Variants in MARK4 observed in about 807,000 individuals in gnomAD.
The protein encoded by MARK4 is microtubule affinity regulating kinase 4.
In MARK4, 19 loss-of-function variants were observed where a neutral mutation model predicts 81.5. The ratio of observed to expected loss-of-function variants is 0.23; its 90% CI spans 0.16 to 0.34. The LOEUF is 0.34. MARK4 is among the 10% of genes least tolerant of loss of function. The pLI is 1.00. For missense variants in MARK4, 772 were observed against 1,058.8 expected, an observed-to-expected ratio of 0.73 and a Z score of 3.76; for synonymous variants, 436 against 439.0, an observed-to-expected ratio of 0.99 and a Z score of 0.08.
chr19:45,279,832 C>T (rs535351922), intron 10 of MARK4, among the ~76,000 whole-genome samples: 1 of 152,202 alleles, frequency 6.6e-6, no homozygotes, highest in African/African-American at 2.4e-5. Context: ...GCAAGCAGAT[C>T]TGGGTCACAT....
At chr19:45,294,206 C>G (rs1405396995) in intron 13 of MARK4, 143 bp from the exon 14 acceptor site, 1 of 714,610 alleles carries the variant, frequency 1.4e-6, no homozygotes, top group Admixed American at 2.3e-5. Context: ...ATCTTTGGGA[C>G]CTTTCACCAT....
chr19:45,263,492 A>G (rs1402834909), intron 4 of MARK4, 125 bp downstream of exon 4: 4 of 1,225,516 alleles, frequency 3.3e-6, no homozygotes, highest in Admixed American at 3.8e-5. Context: ...CTGTAATCCC[A>G]GCACTTAGGG....
At chr19:45,296,629 C>G (rs1044347794) in intron 14 of MARK4, among the ~76,000 whole-genome samples, 1 of 152,224 alleles carries the variant, frequency 6.6e-6, no homozygotes, top group Non-Finnish European at 1.5e-5. Flanking sequence ...TGCTCATACT[C>G]TTAGGGGTTT....
intron 7 of MARK4, among the ~76,000 whole-genome samples, chr19:45,268,125 A>G (rs1970479401): frequency 1.3e-5 from 2 of 152,092 alleles, no homozygotes; most frequent in African/African-American, 2.4e-5. Context: ...CTATTATTAG[A>G]TTCTAAAGAA....
At chr19:45,262,587 C>T (rs983649144) in intron 2 of MARK4, among the ~76,000 whole-genome samples, 1 of 152,216 alleles carries the variant, frequency 6.6e-6, no homozygotes, top group Admixed American at 6.5e-5. Context: ...CTCGTCCATG[C>T]CCACATCCAC....
At chr19:45,299,934 A>G in intron 16 of MARK4, 79 bp downstream of exon 16, 3 of 1,420,396 alleles carry the variant, frequency 2.1e-6, no homozygotes, top group Non-Finnish European at 2.9e-6. Context: ...CCAGGGCATT[A>G]GATGGGGCCC....
intron 10 of MARK4, 64 bp downstream of exon 10, chr19:45,278,679 C>A: frequency 8.3e-7 from 1 of 1,211,410 alleles, no homozygotes; most frequent in Non-Finnish European, 1.2e-6. Flanking sequence ...TCTCGGCTCA[C>A]TGCAACCTCC....
intron 1 of MARK4, among the ~76,000 whole-genome samples, chr19:45,253,365 G>T (rs1002812482): frequency 6.6e-6 from 1 of 152,142 alleles, no homozygotes; most frequent in African/African-American, 2.4e-5. Context: ...GGTGCCAGGG[G>T]CTCCACAGTC....
At chr19:45,300,169 A>C (rs1180840728) in intron 16 of MARK4, among the ~76,000 whole-genome samples, 2 of 152,014 alleles carry the variant, frequency 1.3e-5, no homozygotes, top group African/African-American at 4.8e-5. Flanking sequence ...AGATGGAGAA[A>C]CCCCGTCGTT....
At chr19:45,263,079 C>G (rs1425532738) in intron 2 of MARK4, 34 bp from the exon 3 acceptor site, 1 of 1,586,122 alleles carries the variant, frequency 6.3e-7, no homozygotes, top group Non-Finnish European at 8.6e-7. Flanking sequence ...CTTGTGGCAC[C>G]TTGACCGTCC....
chr19:45,275,709 T>C (rs1420902155), intron 8 of MARK4, among the ~76,000 whole-genome samples: 1 of 152,210 alleles, frequency 6.6e-6, no homozygotes, highest in Non-Finnish European at 1.5e-5. Flanking sequence ...TGTGCAATCC[T>C]GGGGCAAGTG....
In MARK4 at chr19:45,259,043, C is replaced by G; in HGVS notation, c.106C>G (p.Arg36Gly). ...SSDKGPSWSS[R>G]SLGARCRNSI... The stretch of plus-strand genomic sequence containing the variant: ...GGACAAAGGCCCGTCCTGGTCCAGC[C>G]GCTCACTGGGTGCCCGTTGCCGGAA... The change falls in exon 2 of 17, where the codon CGC (arginine) becomes GGC (glycine). Residue 36 changes from arginine to glycine, a missense_variant. Physicochemically the swap from Arg to Gly is moderately radical, Grantham distance 125 (BLOSUM62 -2). Around this residue, in one of 3 missense-constraint regions of MARK4, gnomAD observed 115 missense variants for 139.8 expected, o/e 0.82. Coordinates refer to ENST00000262891, the MANE Select transcript of MARK4 (RefSeq NM_001199867.2). 1 of 1,613,930 alleles carries G rather than the reference C, an allele frequency of 6.2e-7. No individual in the cohort carries two copies. The highest frequency in any genetic ancestry group is 1.1e-5 in the South Asian group (1 of 91,070).
At chr19:45,256,229 G>T (rs2123023090) in intron 1 of MARK4, among the ~76,000 whole-genome samples, 1 of 152,282 alleles carries the variant, frequency 6.6e-6, no homozygotes, top group Middle Eastern at 3.4e-3. Context: ...CCTGAGGTCA[G>T]GAGTTCAAGA....
At chr19:45,292,363 A>G (rs1365086654) in intron 13 of MARK4, among the ~76,000 whole-genome samples, 2 of 152,168 alleles carry the variant, frequency 1.3e-5, no homozygotes, top group Non-Finnish European at 2.9e-5. Context: ...GAGCCGTGTG[A>G]CCTTGGGCAA....
chr19:45,302,721 T>C lies in MARK4; in HGVS notation c.*11T>C, dbSNP rs1279418779. 3.3e-6 allele frequency: 5 copies of C among 1,535,800 alleles called. No homozygotes were observed. Among genetic ancestry groups the C allele is most frequent in the Admixed American group, 3.9e-5 (2 of 50,958 alleles). On this transcript the variant is annotated 3_prime_UTR_variant, in exon 17 of 17. Coordinates refer to ENST00000262891, the MANE Select transcript of MARK4 (RefSeq NM_001199867.2). This position sits in a 1 kb window ranked among gnomAD's most constrained non-coding sequence, Gnocchi z 4.9. Reference sequence around the variant, plus strand: ...GACCTCGAGCTCTGAGCCACCACGGTCCCAGGGCCCTTACTCTTCCTCTCC... The same window carrying C: ...GACCTCGAGCTCTGAGCCACCACGGCCCCAGGGCCCTTACTCTTCCTCTCC...
rs772511341 is a variant in MARK4 at position 45,299,854 on chromosome 19, A to T, written c.1921A>T (p.Ser641Cys). The change falls in exon 16 of 17, where the codon AGT (serine) becomes TGT (cysteine). Residue 641 changes from serine to cysteine, a missense_variant and splice_region_variant. By Grantham distance (112) the Ser-to-Cys change is moderately radical. Transcript: ENST00000262891. ...GAGAATCGGGGGACCTGAGGTCACAAGGTGAGTGCTTGGGCCTACCCCTGA... is the reference window on the plus strand; with the variant it reads ...GAGAATCGGGGGACCTGAGGTCACATGGTGAGTGCTTGGGCCTACCCCTGA... ...PERIGGPEVT[S>C]CHLPWDQTET... The T allele has an allele frequency of 6.9e-6, 11 of 1,605,260 alleles. No homozygotes were observed. Among genetic ancestry groups the T allele is most frequent in the Non-Finnish European group, 9.4e-6 (11 of 1,174,190 alleles).
chr19:45,251,993 G>T (rs1372290924), intron 1 of MARK4, among the ~76,000 whole-genome samples: 1 of 151,096 alleles, frequency 6.6e-6, no homozygotes, highest in Non-Finnish European at 1.5e-5. Flanking sequence ...CCGACACCTC[G>T]CCCCCTCCCG....
intron 7 of MARK4, among the ~76,000 whole-genome samples, chr19:45,269,606 C>A (rs531710119): frequency 2.6e-5 from 4 of 152,202 alleles, no homozygotes; most frequent in East Asian, 1.9e-4. Flanking sequence ...ATGGGCCAGA[C>A]GCGGGTGACA....
At chr19:45,258,731 G>A (rs369727771) in intron 1 of MARK4, among the ~76,000 whole-genome samples, 2 of 152,042 alleles carry the variant, frequency 1.3e-5, no homozygotes, top group Non-Finnish European at 2.9e-5. Flanking sequence ...GAGGTTGGGG[G>A]TAGTCAGACT....
Sources: allele counts gnomAD v4.1 joint callset (sites outside exome capture counted in the v4.1 genomes callset), GRCh38; gene constraint gnomAD v4.1.1; regional missense constraint gnomAD v4.1.1; non-coding constraint Gnocchi (gnomAD v3.1); transcripts MANE v1.5; gene names NCBI Gene and HGNC (gene_info 2026-07-23, HGNC 2026-07-21).